Variants in PLS3 observed in about 807,000 individuals in gnomAD.
PLS3 encodes the protein plastin-3.
PLS3 carries 11 observed loss-of-function variants against 46.5 expected under a neutral mutation model. That is an observed-to-expected ratio of 0.24 (90% CI 0.15 to 0.39). The LOEUF (loss-of-function observed/expected upper bound fraction) is 0.39, where lower values mean the gene tolerates loss of function less well. PLS3 is among the 10% of genes least tolerant of loss of function. PLS3 has a pLI of 1.00. For missense variants in PLS3, 308 were observed against 461.8 expected (o/e 0.67, Z 3.05); for synonymous variants, 167 against 162.2 (o/e 1.03, Z -0.22).
intron 5 of PLS3, among the ~76,000 whole-genome samples, chrX:115,631,047 A>T (rs1556639357): frequency 4.1e-5 from 4 of 97,907 alleles, no homozygotes; most frequent in Non-Finnish European, 6.0e-5. Context: ...ATATAACATT[A>T]TATATATATA....
chrX:115,625,441 A>C, intron 3 of PLS3, among the ~76,000 whole-genome samples: 1 of 110,500 alleles, frequency 9.0e-6, no homozygotes, highest in East Asian at 2.8e-4. Flanking sequence ...AACTAAAAAT[A>C]CTGGATTTTT....
In PLS3 at chrX:115,641,032, T is replaced by C. The variant is rs1250397859; in HGVS notation, c.987+529T>C. On this transcript the variant is annotated intron_variant, in intron 9 of 15. Coordinates refer to ENST00000355899, the MANE Select transcript of PLS3 (RefSeq NM_005032.7). The stretch of plus-strand genomic sequence containing the variant: ...ACATTGGACAAGTTCCTTCTCAAAA[T>C]TGGATTTCACTTTGTTCATCCATAA... Among the ~76,000 whole-genome samples the C allele has an allele frequency of 2.7e-5, 3 of 110,649 alleles. No individual in the cohort carries two copies. In the Admixed American group the frequency reaches 2.9e-4, roughly 11 times the overall value.
rs782780444 is a variant in PLS3, at chrX:115,622,388, A to C, written c.216A>C (p.Ile72=). The C allele has an allele frequency of 8.4e-7, 1 of 1,185,005 alleles. No individual in the cohort carries two copies. Among genetic ancestry groups the C allele is most frequent in the Non-Finnish European group, 1.1e-6 (1 of 876,304 alleles). ...LDGDRNKDGK[I]SFDEFVYIFQ... ...GTGACAGGAATAAAGATGGGAAAAT[A>C]AGTTTTGACGAATTTGTTTATGTAA... Residue 72 remains isoleucine, a synonymous_variant, in exon 3 of 16, where the codon ATA becomes ATC. Transcript: ENST00000355899.
At chrX:115,616,973 G>A (rs2074603714) in intron 2 of PLS3, among the ~76,000 whole-genome samples, 1 of 111,800 alleles carries the variant, frequency 8.9e-6, no homozygotes, top group Admixed American at 9.5e-5. Flanking sequence ...ACTTTTAGAA[G>A]ACGACGCACA....
chrX:115,609,888 T>A (rs1462663994), intron 1 of PLS3, among the ~76,000 whole-genome samples: 1 of 112,283 alleles, frequency 8.9e-6, no homozygotes, highest in Non-Finnish European at 1.9e-5. Context: ...CCGTGAATCA[T>A]TGGTCACATA....
chrX:115,630,938 ATG>A (rs2074765623), intron 5 of PLS3, among the ~76,000 whole-genome samples: 2 of 97,068 alleles, frequency 2.1e-5, no homozygotes, highest in African/African-American at 7.5e-5. Flanking sequence ...CAAAATATAT[ATG>A]TATAATATAT....
Position 115,633,642 on chromosome X carries a change from C to T in PLS3, c.501-358C>T, listed in dbSNP as rs1603241837. Among the ~76,000 whole-genome samples the T allele has an allele frequency of 2.7e-5, 3 of 110,395 alleles. No individual in the cohort carries two copies. The South Asian group carries it at 1.2e-3, about 43-fold the overall frequency. On this transcript the variant is annotated intron_variant, in intron 5 of 15. Transcript: ENST00000355899. ...GGTAACCTGTACTACAGGCACATGC[C>T]ACCATGCCCGGCTAATTTTTTTATC... is the stretch of plus-strand genomic sequence containing the variant.
At chrX:115,584,258 C>A (rs1569526538) in intron 1 of PLS3, among the ~76,000 whole-genome samples, 2 of 112,130 alleles carry the variant, frequency 1.8e-5, no homozygotes, top group Non-Finnish European at 3.8e-5. Flanking sequence ...CACATACATC[C>A]ATTTAATAAA....
intron 1 of PLS3, among the ~76,000 whole-genome samples, chrX:115,584,697 C>T (rs1019763903): frequency 1.3e-4 from 14 of 111,779 alleles, no homozygotes; most frequent in African/African-American, 4.6e-4. Context: ...CCTAGTAGCC[C>T]TGGAATTTAA....
chrX:115,572,700 G>T (rs1162066498), intron 1 of PLS3, among the ~76,000 whole-genome samples: 1 of 111,387 alleles, frequency 9.0e-6, no homozygotes, highest in African/African-American at 3.3e-5. Flanking sequence ...TAGGTGCTAG[G>T]GCTACAAAGA....
At chrX:115,587,627 T>C (rs1034836672) in intron 1 of PLS3, among the ~76,000 whole-genome samples, 4 of 107,631 alleles carry the variant, frequency 3.7e-5, no homozygotes, top group Non-Finnish European at 7.7e-5. Flanking sequence ...CCCAGCTACT[T>C]GGGAGGCTGA....
intron 1 of PLS3, among the ~76,000 whole-genome samples, chrX:115,574,475 C>T (rs1224441977): frequency 8.9e-6 from 1 of 111,774 alleles, no homozygotes; most frequent in Non-Finnish European, 1.9e-5. Flanking sequence ...TGAATGTTAT[C>T]GATAGTGTTT....
intron 1 of PLS3, chrX:115,562,498 C>G (rs782120329): frequency 9.8e-5 from 11 of 111,891 alleles, no homozygotes; most frequent in Non-Finnish European, 2.1e-4. Context: ...CGCCATTTAG[C>G]GTCAGACAGA....
chrX:115,582,002 T>A (rs1556631885), intron 1 of PLS3, among the ~76,000 whole-genome samples: 1 of 112,161 alleles, frequency 8.9e-6, no homozygotes, highest in East Asian at 2.8e-4. Flanking sequence ...AAACTATAAT[T>A]TAGAAAGTGT....
At chrX:115,602,850 G>T (rs1202663728) in intron 1 of PLS3, among the ~76,000 whole-genome samples, 1 of 59,831 alleles carries the variant, frequency 1.7e-5, no homozygotes, top group African/African-American at 5.3e-5. Context: ...TTATCTTTTG[G>T]CTGCCTTTCA....
At chrX:115,606,138 T>C (rs2074489490) in intron 1 of PLS3, among the ~76,000 whole-genome samples, 1 of 103,838 alleles carries the variant, frequency 9.6e-6, no homozygotes, top group Non-Finnish European at 1.9e-5. Flanking sequence ...AATTTCTTTT[T>C]TTTTTCTTTC....
chrX:115,598,790 GGAAT>G (rs782296054), intron 1 of PLS3, among the ~76,000 whole-genome samples: 53 of 111,772 alleles, frequency 4.7e-4, no homozygotes, highest in Non-Finnish European at 8.5e-4. Flanking sequence ...GTCATATGTA[GGAAT>G]GAATGTGTCA....
intron 1 of PLS3, among the ~76,000 whole-genome samples, chrX:115,577,570 C>A (rs2074256173): frequency 9.0e-6 from 1 of 110,547 alleles, no homozygotes; most frequent in Non-Finnish European, 1.9e-5. Flanking sequence ...CTCTGCCTCC[C>A]AGGTTCAAGC....
At position 115,643,395 on chromosome X, in the gene PLS3, A is replaced by T. The variant is rs2074917828; in HGVS notation, c.1070A>T (p.Asp357Val). Residue 357 changes from aspartate (D) to valine (V), a missense_variant, in exon 10 of 16, where the codon GAT (aspartate) becomes GTT (valine). Physicochemically the swap from Asp to Val is radical, Grantham distance 152. Transcript: ENST00000355899. The stretch of plus-strand genomic sequence containing the variant: ...TGCAGACAGTTTGTTACCCCTGCTG[A>T]TGTTGTCAGTGGAAACCCCAAACTC... ...LGCRQFVTPA[D>V]VVSGNPKLNL... is the part of the protein sequence containing the mutation. 1 of 1,188,849 alleles carries T rather than the reference A, an allele frequency of 8.4e-7. No homozygotes were observed. The highest frequency in any genetic ancestry group is 1.8e-5 in the African/African-American group (1 of 56,643).
Sources: allele counts gnomAD v4.1 joint callset (sites outside exome capture counted in the v4.1 genomes callset), GRCh38; gene constraint gnomAD v4.1.1; transcripts MANE v1.5; gene names NCBI Gene and HGNC (gene_info 2026-07-23, HGNC 2026-07-21).